GLYR1: variants seen among roughly 807,000 people sequenced by gnomAD.
GLYR1 encodes glyoxylate reductase 1 homolog.
In GLYR1, 21 loss-of-function variants were observed where a neutral mutation model predicts 72.7. That is an observed-to-expected ratio of 0.29 (90% CI 0.20 to 0.42). The LOEUF (loss-of-function observed/expected upper bound fraction) is 0.42. Ranked by LOEUF, GLYR1 falls within the 10% of genes least tolerant of loss-of-function variation. The probability of loss-of-function intolerance (pLI) is 1.00; values close to 1 mark genes in which losing one functional copy is unlikely to be tolerated. For synonymous variants in GLYR1, 392 were observed against 270.2 expected (o/e 1.45, Z -4.42); for missense variants, 594 against 712.1 (o/e 0.83, Z 1.89).
chr16:4,817,335 G>A (rs893428860), intron 10 of GLYR1, among the ~76,000 whole-genome samples: 5 of 151,922 alleles, frequency 3.3e-5, no homozygotes, highest in East Asian at 1.9e-4. Flanking sequence ...TAGCCAGGAT[G>A]GTCTCGATCT....
chr16:4,822,794 G>C, intron 7 of GLYR1, 81 bp downstream of exon 7: 1 of 1,219,098 alleles, frequency 8.2e-7, no homozygotes, highest in South Asian at 1.2e-5. Context: ...TAACTTTTCA[G>C]ATGGCCAGGC....
intron 15 of GLYR1, among the ~76,000 whole-genome samples, chr16:4,806,366 T>C (rs2082971102): frequency 6.6e-6 from 1 of 152,118 alleles, no homozygotes; most frequent in African/African-American, 2.4e-5. Context: ...TGTCTTTTTT[T>C]TTTTTCTTGA....
At chr16:4,846,524 A>G in intron 1 of GLYR1, 1 of 323,828 alleles carries the variant, frequency 3.1e-6, no homozygotes. Context: ...TCCCTCCCTA[A>G]GTCTGGTTTA....
chr16:4,847,268 T>C lies in GLYR1; in HGVS notation c.-3A>G, dbSNP rs1365141346. 3 of 1,609,994 alleles carry C rather than the reference T, an allele frequency of 1.9e-6. No homozygotes were observed. Among genetic ancestry groups the C allele is most frequent in the Non-Finnish European group, 2.5e-6 (3 of 1,178,926 alleles). ...AGCCGCAGACTCACAGCCGCCATCTTACCACCCAACCACCGCCGACGCACG... is the reference window on the plus strand; with the variant it reads ...AGCCGCAGACTCACAGCCGCCATCTCACCACCCAACCACCGCCGACGCACG... On this transcript the variant is annotated 5_prime_UTR_variant, in exon 1 of 16. Transcript: ENST00000321919.
At chr16:4,811,067 T>G (rs2083298623) in intron 15 of GLYR1, 103 bp downstream of exon 15, 8 of 1,401,418 alleles carry the variant, frequency 5.7e-6, no homozygotes, top group South Asian at 2.7e-5. Flanking sequence ...ATCGCACCAG[T>G]GCACTCTAGC....
chr16:4,813,947 T>A, intron 11 of GLYR1, 109 bp from the exon 12 acceptor site: 1 of 752,130 alleles, frequency 1.3e-6, no homozygotes, highest in Non-Finnish European at 2.1e-6. Context: ...ATTTCCTGAT[T>A]TCTATCAGCT....
rs746060037 is a variant in GLYR1 at position 4,805,314 on chromosome 16, G to A, written c.1588-4C>T. 4 of 1,605,762 alleles carry A rather than the reference G, an allele frequency of 2.5e-6. No homozygotes were observed. Among genetic ancestry groups the A allele is most frequent in the Non-Finnish European group, 3.4e-6 (4 of 1,174,284 alleles). ...GCGCCTTGGCTCTTTTGTACACCTG[G>A]AAAAAAAAGAGATGGCTCAGTCTCT... On this transcript the variant is annotated splice_polypyrimidine_tract_variant and splice_region_variant and intron_variant, in intron 15 of 15. Coordinates refer to ENST00000321919, the MANE Select transcript of GLYR1 (RefSeq NM_032569.4).
chr16:4,841,285 A>G (rs955553400), intron 3 of GLYR1, among the ~76,000 whole-genome samples: 1 of 151,876 alleles, frequency 6.6e-6, no homozygotes, highest in African/African-American at 2.4e-5. Flanking sequence ...CACTTGTTAT[A>G]AACAAGGATC....
chr16:4,843,709 G>C (rs1261107812), intron 3 of GLYR1: 1 of 1,148,272 alleles, frequency 8.7e-7, no homozygotes, highest in African/African-American at 1.6e-5. Context: ...TTAACCGTCA[G>C]AATTAGATTT....
chr16:4,824,570 C>T (rs1204464102), intron 5 of GLYR1, among the ~76,000 whole-genome samples: 4 of 149,682 alleles, frequency 2.7e-5, no homozygotes, highest in South Asian at 4.2e-4. Flanking sequence ...TTCAAAGAAA[C>T]GAATAAAACC....
chr16:4,819,364 G>GA (rs1216527866), intron 9 of GLYR1, among the ~76,000 whole-genome samples: 1 of 152,066 alleles, frequency 6.6e-6, no homozygotes, highest in Non-Finnish European at 1.5e-5. Context: ...CTGGAGTGCA[G>GA]GGGGGTGATC....
At chr16:4,846,608 C>G (rs1001010875) in intron 1 of GLYR1, 9 of 261,426 alleles carry the variant, frequency 3.4e-5, no homozygotes, top group South Asian at 1.3e-4. Context: ...ACAAGCTACG[C>G]AGCTCGAGGG....
rs778256795 is a variant in GLYR1 at position 4,834,295 on chromosome 16, C to CTTT, written c.156-1386_156-1384dup. Among the ~76,000 whole-genome samples the CTTT allele has an allele frequency of 3.3e-3, 390 of 118,302 alleles. 4 individuals carry two copies. The highest frequency in any genetic ancestry group is 0.012 in the African/African-American group (332 of 28,216). The allele number at this position is 118,302 out of a possible 152,430, so 77.6% of individuals were successfully genotyped here. A position where few individuals can be genotyped will look rare whatever the true frequency, so the allele number is the denominator to read the frequency against. ...CCAACTAGAGGAGTTAGGCAAATTCCTTTTTTTTTTTTTTTTTTTTTTGAG... is the reference window on the plus strand; with the variant it reads ...CCAACTAGAGGAGTTAGGCAAATTCCTTTTTTTTTTTTTTTTTTTTTTTTTGAG... On this transcript the variant is annotated intron_variant, in intron 3 of 15. Coordinates refer to ENST00000321919, the MANE Select transcript of GLYR1 (RefSeq NM_032569.4).
At chr16:4,829,643 A>AC (rs1005007388) in intron 5 of GLYR1, among the ~76,000 whole-genome samples, 18 of 148,540 alleles carry the variant, frequency 1.2e-4, no homozygotes, top group Non-Finnish European at 1.5e-4. Flanking sequence ...CACACCACCA[A>AC]CCCCAGCTAA....
Position 4,808,778 on chromosome 16 carries a change from C to T in GLYR1, c.1587+2392G>A, listed in dbSNP as rs74509849. Among the ~76,000 whole-genome samples the T allele has an allele frequency of 1.7e-3, 256 of 151,406 alleles. 1 individual carries two copies. Among genetic ancestry groups the T allele is most frequent in the African/African-American group, 5.8e-3 (240 of 41,236 alleles). Reference sequence around the variant, plus strand: ...ATTCTATGAAGATGAGCTAAGAAAGCGGAACTTCTACCCTAAAAAGCTTTT... The same window carrying T: ...ATTCTATGAAGATGAGCTAAGAAAGTGGAACTTCTACCCTAAAAAGCTTTT... On this transcript the variant is annotated intron_variant, in intron 15 of 15. Transcript: ENST00000321919.
At chr16:4,832,548 C>T in intron 4 of GLYR1, 3 of 588,300 alleles carry the variant, frequency 5.1e-6, no homozygotes, top group Non-Finnish European at 5.8e-6. Flanking sequence ...GATATTTCTC[C>T]TGGGTCCAAG....
intron 9 of GLYR1, among the ~76,000 whole-genome samples, chr16:4,820,601 T>G (rs1296364346): frequency 6.6e-6 from 1 of 152,210 alleles, no homozygotes; most frequent in African/African-American, 2.4e-5. Flanking sequence ...CAAAAATAAC[T>G]GGTAGCATTA....
At chr16:4,812,442 T>C (rs961187394) in intron 12 of GLYR1, among the ~76,000 whole-genome samples, 194 bp from the exon 13 acceptor site, 8 of 151,624 alleles carry the variant, frequency 5.3e-5, no homozygotes, top group Non-Finnish European at 1.2e-4. Context: ...ACAGGCCGAA[T>C]CACAGCAGTG....
intron 15 of GLYR1, among the ~76,000 whole-genome samples, chr16:4,809,738 A>G (rs1294027330): frequency 6.6e-6 from 1 of 152,024 alleles, no homozygotes; most frequent in Non-Finnish European, 1.5e-5. Context: ...AGCCTGGCCA[A>G]CATGGTGAAA....
Sources: gnomAD v4.1 joint callset for allele counts (sites outside exome capture counted in the v4.1 genomes callset) on GRCh38, gnomAD v4.1.1 for gene constraint, MANE v1.5 for transcripts, NCBI Gene and HGNC (gene_info 2026-07-23, HGNC 2026-07-21) for gene names.